Variants in BCR observed in about 807,000 individuals in gnomAD.
BCR encodes breakpoint cluster region protein.
BCR carries 58 observed loss-of-function variants against 138.6 expected under a neutral mutation model. That is an observed-to-expected ratio of 0.42 (90% CI 0.34 to 0.52). The LOEUF (loss-of-function observed/expected upper bound fraction) is 0.52. Among genes scored for constraint, BCR ranks in the 20% least tolerant of loss-of-function variants. The pLI is 0.06. For synonymous variants in BCR, 786 were observed against 730.1 expected (o/e 1.08, Z -1.23); for missense variants, 1,599 against 1,727.2 (o/e 0.93, Z 1.32).
chr22:23,234,496 G>A (rs1439206982), intron 1 of BCR, among the ~76,000 whole-genome samples: 4 of 152,150 alleles, frequency 2.6e-5, no homozygotes, highest in South Asian at 4.1e-4. Context: ...GGGCTGTAGC[G>A]TAGGTGGAGT....
chr22:23,230,399 A>G (rs1166895786), intron 1 of BCR, among the ~76,000 whole-genome samples: 1 of 152,166 alleles, frequency 6.6e-6, no homozygotes, highest in African/African-American at 2.4e-5. Context: ...CAGCATTCTG[A>G]GGGTGGTGGC....
chr22:23,241,465 C>T (rs1479812660), intron 1 of BCR, among the ~76,000 whole-genome samples: 1 of 152,012 alleles, frequency 6.6e-6, no homozygotes, highest in Non-Finnish European at 1.5e-5. Flanking sequence ...TCCCTCCAGT[C>T]ACTTTCAGAC....
At chr22:23,217,569 G>T (rs561805599) in intron 1 of BCR, among the ~76,000 whole-genome samples, 165 of 152,274 alleles carry the variant, frequency 1.1e-3, no homozygotes, top group Middle Eastern at 3.4e-3. Context: ...AGGATTAGGG[G>T]GCATCGGTGG....
intron 1 of BCR, among the ~76,000 whole-genome samples, chr22:23,214,541 A>T (rs978948841): frequency 7.9e-5 from 12 of 152,054 alleles, no homozygotes; most frequent in African/African-American, 2.7e-4. Context: ...TTTCCTTCGG[A>T]CTGTCTCTCT....
chr22:23,297,347 A>G (rs5751624), intron 16 of BCR, among the ~76,000 whole-genome samples: 18,669 of 150,334 alleles, frequency 0.12, 1,464 homozygotes, highest in African/African-American at 0.22. Flanking sequence ...TCCCAAAGTG[A>G]TGGGATTACA....
At chr22:23,265,370 C>T (rs2073428161) in intron 4 of BCR, among the ~76,000 whole-genome samples, 1 of 152,246 alleles carries the variant, frequency 6.6e-6, no homozygotes, top group African/African-American at 2.4e-5. Flanking sequence ...TGCCCTTGTC[C>T]CCATGACCAG....
chr22:23,207,161 A>G (rs1047804778), intron 1 of BCR, among the ~76,000 whole-genome samples: 1 of 152,162 alleles, frequency 6.6e-6, no homozygotes, highest in East Asian at 1.9e-4. Context: ...GGGTCCAAGC[A>G]CAATGCTTAG....
chr22:23,204,731 C>T (rs962830189), intron 1 of BCR, among the ~76,000 whole-genome samples: 6 of 152,192 alleles, frequency 3.9e-5, no homozygotes, highest in South Asian at 2.1e-4. Context: ...TTTCAGAGGC[C>T]GTGCAGGTTT....
intron 1 of BCR, among the ~76,000 whole-genome samples, chr22:23,246,167 G>A (rs1036232042): frequency 3.3e-5 from 5 of 152,186 alleles, no homozygotes; most frequent in Non-Finnish European, 5.9e-5. Context: ...GCTCACACCT[G>A]CAATCCCAGC....
At chr22:23,294,611 T>C (rs1245068418) in intron 15 of BCR, among the ~76,000 whole-genome samples, 2 of 152,162 alleles carry the variant, frequency 1.3e-5, no homozygotes, top group Non-Finnish European at 2.9e-5. Context: ...TGTTGGCTAG[T>C]TAGTCTCGTA....
At chr22:23,287,665 G>A (rs1230281281) in intron 11 of BCR, among the ~76,000 whole-genome samples, 1 of 152,204 alleles carries the variant, frequency 6.6e-6, no homozygotes, top group Non-Finnish European at 1.5e-5. Flanking sequence ...GTCAATACAT[G>A]TCTGTCAATG....
intron 8 of BCR, among the ~76,000 whole-genome samples, chr22:23,275,732 G>A (rs987606385): frequency 3.9e-5 from 6 of 152,182 alleles, no homozygotes; most frequent in Admixed American, 2.6e-4. Flanking sequence ...AAGCCTCCAC[G>A]TGCTGGGTGG....
chr22:23,196,552 C>T (rs1441503064), intron 1 of BCR, among the ~76,000 whole-genome samples: 1 of 152,130 alleles, frequency 6.6e-6, no homozygotes, highest in African/African-American at 2.4e-5. Context: ...TTCCAGGATT[C>T]CCTTGGGCAG....
chr22:23,221,281 G>A (rs2072821591), intron 1 of BCR, among the ~76,000 whole-genome samples: 1 of 152,178 alleles, frequency 6.6e-6, no homozygotes, highest in Non-Finnish European at 1.5e-5. Context: ...AGACTCCCTA[G>A]GGAGAGTGGA....
chr22:23,181,769 C>T lies in BCR; in HGVS notation c.809C>T (p.Pro270Leu), dbSNP rs760569480. 7.5e-6 allele frequency: 12 copies of T among 1,606,466 alleles called. No individual in the cohort carries two copies. The highest frequency in any genetic ancestry group is 1.7e-5 in the Admixed American group (1 of 60,022). ...GACGCCAATGGCGGTAGCAGGCCCCCTTGGCCGCCCCTGGAGTACCAGCCC... is the reference window on the plus strand; with the variant it reads ...GACGCCAATGGCGGTAGCAGGCCCCTTTGGCCGCCCCTGGAGTACCAGCCC... ...LIDANGGSRP[P>L]WPPLEYQPYQ... The change falls in exon 1 of 23, where the codon CCT (proline) becomes CTT (leucine). Residue 270 changes from proline (P) to leucine (L), a missense_variant. This residue lies in a region of BCR where 806 missense variants were observed against 635.0 expected (regional missense o/e 1.27). Coordinates refer to ENST00000305877, the MANE Select transcript of BCR (RefSeq NM_004327.4).
At chr22:23,244,368 C>T (rs2073131212) in intron 1 of BCR, among the ~76,000 whole-genome samples, 3 of 152,166 alleles carry the variant, frequency 2.0e-5, no homozygotes, top group South Asian at 2.1e-4. Flanking sequence ...AGGATATGAA[C>T]GTGTTCCTTT....
chr22:23,247,262 A>G (rs773349849), intron 1 of BCR, among the ~76,000 whole-genome samples: 3 of 151,852 alleles, frequency 2.0e-5, no homozygotes, highest in African/African-American at 7.3e-5. Context: ...GAAAACCTCC[A>G]CCACAGCTGG....
chr22:23,257,533 C>T (rs2073307975), intron 2 of BCR, among the ~76,000 whole-genome samples: 1 of 152,234 alleles, frequency 6.6e-6, no homozygotes, highest in Non-Finnish European at 1.5e-5. Flanking sequence ...GGCTGGCAGG[C>T]TGGGTGGATG....
In BCR at chr22:23,181,764, G is replaced by C. The variant is rs1243814414; in HGVS notation, c.804G>C (p.Arg268Ser). The change falls in exon 1 of 23, where the codon AGG (arginine) becomes AGC (serine). Residue 268 changes from arginine to serine, a missense_variant. Arg to Ser is a moderately radical substitution (Grantham distance 110, BLOSUM62 -1). This residue lies in a region of BCR where 806 missense variants were observed against 635.0 expected (regional missense o/e 1.27). Coordinates refer to ENST00000305877, the MANE Select transcript of BCR (RefSeq NM_004327.4). ...TGATCGACGCCAATGGCGGTAGCAG[G>C]CCCCCTTGGCCGCCCCTGGAGTACC... ...DNLIDANGGS[R>S]PPWPPLEYQP... is the part of the protein sequence containing the mutation. 6.2e-7 allele frequency: 1 copy of C among 1,605,792 alleles called. No individual in the cohort carries two copies. The highest frequency in any genetic ancestry group is 8.5e-7 in the Non-Finnish European group (1 of 1,179,964).
Sources: gnomAD v4.1 joint callset for allele counts (sites outside exome capture counted in the v4.1 genomes callset) on GRCh38, gnomAD v4.1.1 for gene constraint, gnomAD v4.1.1 regional missense constraint, MANE v1.5 for transcripts, NCBI Gene and HGNC (gene_info 2026-07-23, HGNC 2026-07-21) for gene names.